TYW1B: variants seen among roughly 807,000 people sequenced by gnomAD.
TYW1B encodes the protein S-adenosyl-L-methionine-dependent tRNA 4-demethylwyosine synthase TYW1B.
TYW1B carries 73 observed loss-of-function variants against 86.9 expected under a neutral mutation model. The ratio of observed to expected loss-of-function variants is 0.84; its 90% CI spans 0.70 to 1.02. The LOEUF is 1.02. Among genes scored for constraint, TYW1B ranks in the 50% least tolerant of loss-of-function variants. The pLI is 0.00. For synonymous variants in TYW1B, 248 were observed against 292.8 expected (o/e 0.85, Z 1.56); for missense variants, 637 against 827.4 (o/e 0.77, Z 2.82).
At chr7:72,809,975 G>C (rs1337142356) in intron 4 of TYW1B, among the ~76,000 whole-genome samples, 1 of 141,256 alleles carries the variant, frequency 7.1e-6, no homozygotes, top group African/African-American at 2.6e-5. Context: ...ACTCCAGCTG[G>C]GGGATAGAGC....
chr7:72,741,222 T>C (rs542129782), intron 8 of TYW1B, among the ~76,000 whole-genome samples: 9 of 151,894 alleles, frequency 5.9e-5, no homozygotes, highest in Non-Finnish European at 1.0e-4. Context: ...TACAAAGAGA[T>C]GAAGGAAACC....
chr7:72,828,036 G>T (rs1554481786), intron 1 of TYW1B, 36 bp downstream of exon 1: 4 of 1,613,242 alleles, frequency 2.5e-6, no homozygotes, highest in Non-Finnish European at 2.5e-6. Flanking sequence ...TACCTCCCCT[G>T]CCGCCCCAGG....
chr7:72,797,678 C>T (rs573265493), intron 6 of TYW1B, among the ~76,000 whole-genome samples: 19 of 152,266 alleles, frequency 1.2e-4, no homozygotes, highest in Admixed American at 1.0e-3. Flanking sequence ...GATCACACCA[C>T]TGCACTTCAG....
chr7:72,710,065 G>A (rs1786609066), intron 10 of TYW1B, among the ~76,000 whole-genome samples: 1 of 152,136 alleles, frequency 6.6e-6, no homozygotes, highest in African/African-American at 2.4e-5. Context: ...TTTGCTGGAC[G>A]TTTTCGGGTA....
rs782620149 is a variant in TYW1B at position 72,628,913 on chromosome 7, C to T, written c.1591G>A (p.Gly531Arg). The T allele has an allele frequency of 1.3e-6, 2 of 1,591,984 alleles. No individual in the cohort carries two copies. The highest frequency in any genetic ancestry group is 1.4e-5 in the African/African-American group (1 of 73,858). The change falls in exon 12 of 14, where the codon GGG becomes AGG. Residue 531 changes from glycine (G) to arginine (R), a missense_variant. Coordinates refer to ENST00000620995, the MANE Select transcript of TYW1B (RefSeq NM_001145440.3). ...TTCACTTCGATGAAGTCAGGATTCC[C>T]CAGGGACACGAGCTGCGCGTAGGCC... ...LQAYAQLVSLGNPDFIEVKGV... is the reference protein window; with the variant it reads ...LQAYAQLVSLRNPDFIEVKGV...
intron 11 of TYW1B, among the ~76,000 whole-genome samples, chr7:72,675,258 G>C (rs1161958050): frequency 4.6e-5 from 7 of 151,988 alleles, no homozygotes; most frequent in African/African-American, 1.7e-4. Context: ...AATTAGCCGG[G>C]TGTGGTGGCA....
intron 8 of TYW1B, among the ~76,000 whole-genome samples, chr7:72,744,266 T>C (rs1313667161): frequency 6.6e-6 from 1 of 152,050 alleles, no homozygotes; most frequent in Admixed American, 6.6e-5. Context: ...AGACAAACTG[T>C]CCAAATGGAT....
chr7:72,664,884 C>T (rs782368171), intron 11 of TYW1B, among the ~76,000 whole-genome samples: 2 of 152,132 alleles, frequency 1.3e-5, no homozygotes, highest in Non-Finnish European at 2.9e-5. Flanking sequence ...AAAATGATGT[C>T]ATATTTGCAT....
chr7:72,593,826 A>T (rs1811462326), intron 13 of TYW1B, among the ~76,000 whole-genome samples: 1 of 147,394 alleles, frequency 6.8e-6, no homozygotes, highest in African/African-American at 2.5e-5. Context: ...CATCTAAAAA[A>T]AAAAAAAAAA....
At chr7:72,811,167 A>G (rs1468049848) in intron 3 of TYW1B, among the ~76,000 whole-genome samples, 1 of 150,880 alleles carries the variant, frequency 6.6e-6, no homozygotes, top group Non-Finnish European at 1.5e-5. Context: ...GCTACTCAGG[A>G]GGCTAAGCCA....
chr7:72,592,988 C>A (rs1307178995), intron 13 of TYW1B, among the ~76,000 whole-genome samples: 1 of 152,080 alleles, frequency 6.6e-6, no homozygotes, highest in African/African-American at 2.4e-5. Context: ...GATACAACAA[C>A]CAGAGAAAGA....
intron 5 of TYW1B, among the ~76,000 whole-genome samples, chr7:72,806,765 C>T (rs1346271383): frequency 6.6e-6 from 1 of 152,022 alleles, no homozygotes; most frequent in Non-Finnish European, 1.5e-5. Flanking sequence ...ATCCTCCCAA[C>T]TCCACCTCCT....
rs1554442391 is a variant in TYW1B, at chr7:72,648,767, C to CAGGA, written c.1507-19774_1507-19771dup. Among the ~76,000 whole-genome samples the CAGGA allele has an allele frequency of 1.1e-4, 16 of 152,134 alleles. No individual in the cohort carries two copies. The South Asian group carries it at 3.3e-3, about 32-fold the overall frequency. The stretch of plus-strand genomic sequence containing the variant: ...TCCACCCGGCAACTTGGTTAGTGTG[C>CAGGA]AGGAAGATATCACCTGTGTGAAGGA... On this transcript the variant is annotated intron_variant, in intron 11 of 13. Transcript: ENST00000620995.
At chr7:72,604,725 A>G (rs1446851859) in intron 13 of TYW1B, among the ~76,000 whole-genome samples, 2 of 152,188 alleles carry the variant, frequency 1.3e-5, no homozygotes, top group Admixed American at 6.6e-5. Flanking sequence ...GAAAGCCCAC[A>G]AACAGCTGAC....
chr7:72,715,923 TTTTGTTTG>T (rs1233951756), intron 9 of TYW1B, among the ~76,000 whole-genome samples: 38 of 151,892 alleles, frequency 2.5e-4, no homozygotes, highest in Non-Finnish European at 4.4e-5. Context: ...GACATCTTTG[TTTTGTTTG>T]TTTGTTTGTT....
intron 10 of TYW1B, among the ~76,000 whole-genome samples, chr7:72,698,643 C>A (rs1212118687): frequency 8.0e-5 from 3 of 37,334 alleles, no homozygotes; most frequent in Non-Finnish European, 1.6e-4. Context: ...AAGACTCCAT[C>A]TCAAAAAAAA....
At chr7:72,603,273 C>CA (rs1811716573) in intron 13 of TYW1B, among the ~76,000 whole-genome samples, 1 of 147,736 alleles carries the variant, frequency 6.8e-6, no homozygotes, top group South Asian at 2.2e-4. Flanking sequence ...GATGGACAGA[C>CA]AGACGACAGA....
chr7:72,677,990 C>G (rs1813774943), intron 11 of TYW1B, among the ~76,000 whole-genome samples: 1 of 152,198 alleles, frequency 6.6e-6, no homozygotes, highest in African/African-American at 2.4e-5. Flanking sequence ...GCGTGAGCCA[C>G]CGCACCCAGC....
chr7:72,685,338 G>A lies in TYW1B; in HGVS notation c.1506+9349C>T, dbSNP rs145950690. Among the ~76,000 whole-genome samples the A allele has an allele frequency of 7.4e-3, 1,118 of 152,048 alleles. 8 individuals carry two copies. The highest frequency in any genetic ancestry group is 0.025 in the African/African-American group (1,053 of 41,506). On this transcript the variant is annotated intron_variant, in intron 11 of 13. Coordinates refer to ENST00000620995, the MANE Select transcript of TYW1B (RefSeq NM_001145440.3). ...TACTCAAAACCACAAAAGAAAAAAT[G>A]TGGAATACAAAAATAGAAACAAAGA...
Sources: gnomAD v4.1 joint callset for allele counts (sites outside exome capture counted in the v4.1 genomes callset) on GRCh38, gnomAD v4.1.1 for gene constraint, MANE v1.5 for transcripts, NCBI Gene and HGNC (gene_info 2026-07-23, HGNC 2026-07-21) for gene names.